The following PAIP2B variants were observed in gnomAD, a reference collection of about 807,000 sequenced individuals.
PAIP2B encodes the protein poly(A) binding protein interacting protein 2B, also known as polyadenylate-binding protein-interacting protein 2B.
PAIP2B carries 13 observed loss-of-function variants against 17.0 expected under a neutral mutation model. The observed-to-expected ratio is 0.76, with a 90% confidence interval of 0.50 to 1.22. The LOEUF (loss-of-function observed/expected upper bound fraction) is 1.22. Ranked by LOEUF, PAIP2B falls within the 50% of genes most tolerant of loss-of-function variation. The pLI is 0.00. For synonymous variants in PAIP2B, 43 were observed against 48.7 expected, an observed-to-expected ratio of 0.88 and a Z score of 0.48; for missense variants, 117 against 144.5, an observed-to-expected ratio of 0.81 and a Z score of 0.98.
intron 1 of PAIP2B, among the ~76,000 whole-genome samples, chr2:71,210,298 G>A (rs1675262788): frequency 6.6e-6 from 1 of 152,192 alleles, no homozygotes; most frequent in African/African-American, 2.4e-5. Flanking sequence ...GTGGGGTGAG[G>A]AGACGTACGA....
chr2:71,214,769 C>T (rs1033167128), intron 1 of PAIP2B, among the ~76,000 whole-genome samples: 20 of 152,178 alleles, frequency 1.3e-4, no homozygotes, highest in African/African-American at 4.8e-4. Context: ...GAGAAAGCAT[C>T]TTCCTAAACC....
intron 1 of PAIP2B, among the ~76,000 whole-genome samples, chr2:71,216,378 C>T (rs1392710868): frequency 6.6e-6 from 1 of 152,152 alleles, no homozygotes; most frequent in East Asian, 1.9e-4. Context: ...TGGAGTTTCT[C>T]ACTAGATACT....
intron 2 of PAIP2B, among the ~76,000 whole-genome samples, chr2:71,200,993 C>G (rs912126985): frequency 7.2e-6 from 1 of 138,428 alleles, no homozygotes; most frequent in South Asian, 2.5e-4. Context: ...TTTCCTCAAT[C>G]TCTTTGTGTG....
At chr2:71,225,252 G>A (rs1675689108) in intron 1 of PAIP2B, among the ~76,000 whole-genome samples, 1 of 152,158 alleles carries the variant, frequency 6.6e-6, no homozygotes, top group Non-Finnish European at 1.5e-5. Context: ...CCACCTCAGA[G>A]TAAAGATTTC....
chr2:71,226,494 C>T (rs1675732093), intron 1 of PAIP2B, among the ~76,000 whole-genome samples: 1 of 152,300 alleles, frequency 6.6e-6, no homozygotes, highest in South Asian at 2.1e-4. Context: ...GGGCACGACG[C>T]GCAATCCCTC....
chr2:71,202,663 A>T, intron 1 of PAIP2B, 63 bp from the exon 2 acceptor site: 7 of 1,373,320 alleles, frequency 5.1e-6, no homozygotes, highest in Non-Finnish European at 7.0e-6. Flanking sequence ...AGAGACCTAA[A>T]ACATGCAGAT....
At chr2:71,210,484 T>G (rs1023812468) in intron 1 of PAIP2B, among the ~76,000 whole-genome samples, 1 of 152,228 alleles carries the variant, frequency 6.6e-6, no homozygotes, top group Non-Finnish European at 1.5e-5. Context: ...AAATGTTCCA[T>G]TGGCTATCTT....
intron 1 of PAIP2B, among the ~76,000 whole-genome samples, chr2:71,207,308 G>A (rs181518281): frequency 3.9e-5 from 6 of 152,198 alleles, no homozygotes; most frequent in East Asian, 1.9e-4. Flanking sequence ...AGAAAATGAC[G>A]TACAATGAAT....
chr2:71,216,955 T>A (rs1675444079), intron 1 of PAIP2B, among the ~76,000 whole-genome samples: 1 of 152,174 alleles, frequency 6.6e-6, no homozygotes. Context: ...TTTACAGGTG[T>A]CAGTTCTCAT....
rs146581955 is a variant in PAIP2B at position 71,185,544 on chromosome 2, G to A, written c.*2935C>T. ...GGTCATACCACTGCACTCCAGCCTG[G>A]GTGACAGAGTGAGACTATGTCTCAA... is the stretch of plus-strand genomic sequence containing the variant. On this transcript the variant is annotated 3_prime_UTR_variant, in exon 4 of 4. Transcript: ENST00000244221. 6.6e-6 allele frequency: 1 copy of A among 150,574 alleles called. No homozygotes were observed. The highest frequency in any genetic ancestry group is 2.0e-4 in the East Asian group (1 of 5,108). The allele number at this position is 150,574 out of a possible 1,614,324, so 9.3% of individuals were successfully genotyped here. A position where few individuals can be genotyped will look rare whatever the true frequency, so the allele number is the denominator to read the frequency against.
At chr2:71,222,102 G>A (rs1026866313) in intron 1 of PAIP2B, among the ~76,000 whole-genome samples, 1 of 152,114 alleles carries the variant, frequency 6.6e-6, no homozygotes, top group African/African-American at 2.4e-5. Flanking sequence ...CTTTGGGTCC[G>A]TACCATCTTT....
rs1389738024 is a variant in PAIP2B, at chr2:71,187,241, C to T, written c.*1238G>A. The stretch of plus-strand genomic sequence containing the variant: ...ACAAAAGACCCCAGCAAGTTAAAGG[C>T]AGGAAAGACAAAGAAACACACCCTA... On this transcript the variant is annotated 3_prime_UTR_variant, in exon 4 of 4. Transcript: ENST00000244221. The T allele has an allele frequency of 6.6e-6, 1 of 152,168 alleles. No homozygotes were observed. Among genetic ancestry groups the T allele is most frequent in the East Asian group, 1.9e-4 (1 of 5,196 alleles). The allele number at this position is 152,168 out of a possible 1,614,324, so 9.4% of individuals were successfully genotyped here.
intron 1 of PAIP2B, among the ~76,000 whole-genome samples, chr2:71,207,413 T>C (rs543102994): frequency 6.6e-6 from 1 of 152,160 alleles, no homozygotes; most frequent in Non-Finnish European, 1.5e-5. Flanking sequence ...GAGAGGCAGG[T>C]GGGGCCAGAT....
chr2:71,189,948 T>A lies in PAIP2B; in HGVS notation c.212A>T (p.Asp71Val). 1 of 1,610,236 alleles carries A rather than the reference T, an allele frequency of 6.2e-7. No homozygotes were observed. The highest frequency in any genetic ancestry group is 2.2e-5 in the East Asian group (1 of 44,782). Residue 71 changes from aspartate (D) to valine (V), a missense_variant, in exon 3 of 4, where the codon GAC becomes GTC. Physicochemically the swap from Asp to Val is radical, Grantham distance 152. Coordinates refer to ENST00000244221, the MANE Select transcript of PAIP2B (RefSeq NM_020459.1). ...FQEMLDEEDQ[D>V]WFIPSRDLPQ... ...CAGGTCTCGTGAGGGAATAAACCAG[T>A]CTTGGTCTTCTTCATCCAGCATCTC...
chr2:71,213,667 G>A (rs1295058616), intron 1 of PAIP2B, among the ~76,000 whole-genome samples: 1 of 152,120 alleles, frequency 6.6e-6, no homozygotes, highest in Non-Finnish European at 1.5e-5. Flanking sequence ...ATTTTTTGGT[G>A]TGGAAACCAC....
At chr2:71,193,211 C>A (rs565385449) in intron 2 of PAIP2B, among the ~76,000 whole-genome samples, 1 of 152,052 alleles carries the variant, frequency 6.6e-6, no homozygotes, top group Admixed American at 6.5e-5. Context: ...AGCTTTTTTT[C>A]ATATGCTTGT....
chr2:71,205,266 T>C (rs1675097519), intron 1 of PAIP2B, among the ~76,000 whole-genome samples: 1 of 152,360 alleles, frequency 6.6e-6, no homozygotes, highest in Non-Finnish European at 1.5e-5. Context: ...TACAATATTA[T>C]ACAGTGTTGA....
chr2:71,220,445 G>A (rs960872329), intron 1 of PAIP2B, among the ~76,000 whole-genome samples: 13 of 152,220 alleles, frequency 8.5e-5, no homozygotes, highest in Non-Finnish European at 4.4e-5. Flanking sequence ...ACTAACCACT[G>A]TCTCAGTATG....
chr2:71,211,065 G>A (rs906641919), intron 1 of PAIP2B, among the ~76,000 whole-genome samples: 2 of 152,134 alleles, frequency 1.3e-5, no homozygotes, highest in Non-Finnish European at 2.9e-5. Flanking sequence ...TGGCCAACAT[G>A]GTGAAACCCC....
Sources: gnomAD v4.1 joint callset for allele counts (sites outside exome capture counted in the v4.1 genomes callset) on GRCh38, gnomAD v4.1.1 for gene constraint, MANE v1.5 for transcripts, NCBI Gene and HGNC (gene_info 2026-07-23, HGNC 2026-07-21) for gene names.